GPM6A: variants seen among roughly 807,000 people sequenced by gnomAD.
GPM6A encodes the protein neuronal membrane glycoprotein M6-a.
In GPM6A, 7 loss-of-function variants were observed where a neutral mutation model predicts 32.1. The observed-to-expected ratio is 0.22, with a 90% CI of 0.12 to 0.41. The LOEUF is 0.41. GPM6A is among the 10% of genes least tolerant of loss of function. The pLI, the probability that GPM6A is intolerant of heterozygous loss-of-function variation, is 1.00. For missense variants in GPM6A, 235 were observed against 347.2 expected (o/e 0.68, Z 2.57); for synonymous variants, 130 against 123.4 (o/e 1.05, Z -0.35).
At chr4:175,843,500 C>T (rs1365728226) in intron 1 of GPM6A, among the ~76,000 whole-genome samples, 1 of 152,144 alleles carries the variant, frequency 6.6e-6, no homozygotes, top group Non-Finnish European at 1.5e-5. Context: ...TTTAAACCTA[C>T]TGGGTTTCTG....
At chr4:175,920,664 A>G (rs1328153270) in intron 1 of GPM6A, among the ~76,000 whole-genome samples, 1 of 152,068 alleles carries the variant, frequency 6.6e-6, no homozygotes, top group Non-Finnish European at 1.5e-5. Context: ...CCTGGGCAAC[A>G]TGATGAAACC....
intron 2 of GPM6A, 129 bp from the exon 3 acceptor site, chr4:175,673,965 GA>G (rs1743224977): frequency 1.6e-6 from 1 of 613,100 alleles, no homozygotes; most frequent in Admixed American, 3.2e-5. Flanking sequence ...ATGAAGGTTG[GA>G]TTTAAAAACA....
At chr4:175,731,023 A>G (rs926487668) in intron 1 of GPM6A, among the ~76,000 whole-genome samples, 2 of 152,162 alleles carry the variant, frequency 1.3e-5, no homozygotes, top group African/African-American at 4.8e-5. Context: ...CGACCATTCA[A>G]AGGGAACTTA....
intron 3 of GPM6A, among the ~76,000 whole-genome samples, chr4:175,655,835 T>C (rs1453306840): frequency 6.6e-6 from 1 of 152,100 alleles, no homozygotes; most frequent in Non-Finnish European, 1.5e-5. Flanking sequence ...AATTTTCTCA[T>C]AGGGCTATGA....
intron 1 of GPM6A, among the ~76,000 whole-genome samples, chr4:175,848,469 A>G (rs943873431): frequency 2.6e-5 from 4 of 152,168 alleles, no homozygotes; most frequent in African/African-American, 9.7e-5. Flanking sequence ...GTTTAAAATC[A>G]ATACATTACC....
chr4:175,904,387 T>C (rs1052781318), intron 1 of GPM6A, among the ~76,000 whole-genome samples: 12 of 152,260 alleles, frequency 7.9e-5, no homozygotes, highest in African/African-American at 2.6e-4. Context: ...TGACTTTGAG[T>C]GATATTTTAC....
chr4:175,774,272 G>A (rs781634447), intron 1 of GPM6A, among the ~76,000 whole-genome samples: 1 of 151,974 alleles, frequency 6.6e-6, no homozygotes, highest in Admixed American at 6.6e-5. Flanking sequence ...CGAACCAAAG[G>A]TCTCTAAAAT....
chr4:175,959,335 C>T (rs1027220245), intron 1 of GPM6A, among the ~76,000 whole-genome samples: 1 of 152,140 alleles, frequency 6.6e-6, no homozygotes, highest in African/African-American at 2.4e-5. Flanking sequence ...CAGCTTCACA[C>T]ATTATGATTC....
At chr4:175,694,084 C>G (rs1050656334) in intron 2 of GPM6A, among the ~76,000 whole-genome samples, 3 of 152,136 alleles carry the variant, frequency 2.0e-5, no homozygotes, top group South Asian at 4.1e-4. Context: ...AGAAGCCAAG[C>G]AGATGCCAGC....
intron 1 of GPM6A, among the ~76,000 whole-genome samples, chr4:175,913,590 A>T (rs1579621628): frequency 6.6e-6 from 1 of 152,014 alleles, no homozygotes; most frequent in Admixed American, 6.6e-5. Flanking sequence ...CTACTCATCC[A>T]CCTATTCAAT....
intron 2 of GPM6A, among the ~76,000 whole-genome samples, chr4:175,699,912 TGA>T (rs1262411693): frequency 2.0e-5 from 3 of 152,200 alleles, no homozygotes; most frequent in Non-Finnish European, 4.4e-5. Context: ...TTTTATTTTT[TGA>T]GAGAGAGTTT....
intron 1 of GPM6A, among the ~76,000 whole-genome samples, chr4:175,800,584 G>A (rs1056934086): frequency 6.6e-6 from 1 of 152,042 alleles, no homozygotes; most frequent in African/African-American, 2.4e-5. Context: ...CTGCATTATT[G>A]TCCACTCTGA....
At chr4:175,954,568 G>T (rs1354553195) in intron 1 of GPM6A, among the ~76,000 whole-genome samples, 1 of 152,178 alleles carries the variant, frequency 6.6e-6, no homozygotes, top group Admixed American at 6.5e-5. Flanking sequence ...CACCCGAAGA[G>T]TCAAGCCAAA....
At chr4:175,936,240 A>G (rs1225946511) in intron 1 of GPM6A, among the ~76,000 whole-genome samples, 2 of 131,094 alleles carry the variant, frequency 1.5e-5, no homozygotes, top group East Asian at 5.1e-4. Flanking sequence ...CGGGAGGCAG[A>G]GCTTGCAGTG....
chr4:175,831,715 C>CTTTTTTTTTTTTTTT (rs780096379), intron 1 of GPM6A, among the ~76,000 whole-genome samples: 1 of 69,938 alleles, frequency 1.4e-5, no homozygotes, highest in Non-Finnish European at 2.5e-5. Context: ...TTAGCCATCT[C>CTTTTTTTTTTTTTTT]TTTTTTTTTT....
intron 6 of GPM6A, among the ~76,000 whole-genome samples, chr4:175,637,674 AAT>A (rs1213835604): frequency 0.057 from 302 of 5,300 alleles, 2 homozygotes; most frequent in South Asian, 0.22. Flanking sequence ...TAATATATAT[AAT>A]ATATATATAA....
chr4:175,965,644 C>T (rs1208653565), intron 1 of GPM6A, among the ~76,000 whole-genome samples: 2 of 149,770 alleles, frequency 1.3e-5, no homozygotes, highest in African/African-American at 5.0e-5. Context: ...GACAGAGTTT[C>T]ACCCTGTCTC....
chr4:175,654,219 T>C (rs1190984101), intron 3 of GPM6A: 1 of 152,208 alleles, frequency 6.6e-6, no homozygotes, highest in Non-Finnish European at 1.5e-5. Flanking sequence ...GGCATACCAC[T>C]TACTGTGATC....
intron 1 of GPM6A, among the ~76,000 whole-genome samples, chr4:175,909,050 G>C (rs1738229612): frequency 1.2e-5 from 1 of 81,586 alleles, no homozygotes; most frequent in African/African-American, 4.2e-5. Context: ...GGCGGGGGGG[G>C]GGCAACTAGC....
Sources: allele counts gnomAD v4.1 joint callset (sites outside exome capture counted in the v4.1 genomes callset), GRCh38; gene constraint gnomAD v4.1.1; transcripts MANE v1.5; gene names NCBI Gene and HGNC (gene_info 2026-07-23, HGNC 2026-07-21).